The following SLC3A1 variants were observed in gnomAD, a reference collection of about 807,000 sequenced individuals.
SLC3A1 encodes amino acid transporter heavy chain SLC3A1.
SLC3A1 carries 78 observed loss-of-function variants against 60.3 expected under a neutral mutation model. That is an observed-to-expected ratio of 1.29 (90% CI 1.08 to 1.56). The LOEUF is 1.56. SLC3A1 is among the 40% of genes most tolerant of loss of function. The pLI, the probability that SLC3A1 is intolerant of heterozygous loss-of-function variation, is 0.00. For synonymous variants in SLC3A1, 392 were observed against 307.9 expected (o/e 1.27, Z -2.86); for missense variants, 1,172 against 858.9 (o/e 1.36, Z -4.56).
At position 44,275,741 on chromosome 2, in the gene SLC3A1, C is replaced by T; in HGVS notation, c.206C>T (p.Pro69Leu). The change falls in exon 1 of 10, where the codon CCC becomes CTC. Residue 69 changes from proline to leucine, a missense_variant. Physicochemically the swap from Pro to Leu is moderately conservative, Grantham distance 98. Coordinates refer to ENST00000260649, the MANE Select transcript of SLC3A1 (RefSeq NM_000341.4). ...GGCGTCCAGCCCTATGCGGGGATGC[C>T]CAAGGAGGTGCTGTTCCAGTTCTCT... ...FKGVQPYAGM[P>L]KEVLFQFSGQ... 1 of 1,614,208 alleles carries T rather than the reference C, an allele frequency of 6.2e-7. No individual in the cohort carries two copies. Among genetic ancestry groups the T allele is most frequent in the South Asian group, 1.1e-5 (1 of 91,088 alleles).
chr2:44,310,253 TCTC>T (rs1358528411), intron 7 of SLC3A1, among the ~76,000 whole-genome samples: 1 of 152,168 alleles, frequency 6.6e-6, no homozygotes, highest in Non-Finnish European at 1.5e-5. Context: ...CATAGTGACT[TCTC>T]CGTTTTACAT....
intron 1 of SLC3A1, among the ~76,000 whole-genome samples, chr2:44,277,766 C>G (rs1244716550): frequency 1.3e-5 from 2 of 152,222 alleles, no homozygotes; most frequent in East Asian, 3.9e-4. Flanking sequence ...ATAGGTCCAA[C>G]ATTCCTGTAA....
intron 7 of SLC3A1, among the ~76,000 whole-genome samples, chr2:44,306,778 AACTCCTG>A (rs1672169000): frequency 6.6e-6 from 1 of 151,972 alleles, no homozygotes; most frequent in South Asian, 2.1e-4. Flanking sequence ...GCTGGTCTCG[AACTCCTG>A]ACCTCAGGTG....
At position 44,320,779 on chromosome 2, in the gene SLC3A1, A is replaced by G; in HGVS notation, c.*140A>G. ...GTAGCTTGAATGTAACTGCTTTAAGAAAGGTTCTCAAATGTTTTGAAAAAA... is the reference window on the plus strand; with the variant it reads ...GTAGCTTGAATGTAACTGCTTTAAGGAAGGTTCTCAAATGTTTTGAAAAAA... On this transcript the variant is annotated 3_prime_UTR_variant, in exon 10 of 10. Coordinates refer to ENST00000260649, the MANE Select transcript of SLC3A1 (RefSeq NM_000341.4). 1 of 723,674 alleles carries G rather than the reference A, an allele frequency of 1.4e-6. No homozygotes were observed. Among genetic ancestry groups the G allele is most frequent in the Non-Finnish European group, 2.4e-6 (1 of 420,476 alleles). 44.8% of individuals were successfully genotyped at this position (723,674 alleles called of 1,614,324 possible). A position where few individuals can be genotyped will look rare whatever the true frequency, so the allele number is the denominator to read the frequency against.
chr2:44,320,571 G>A lies in SLC3A1; in HGVS notation c.1990G>A (p.Asp664Asn), dbSNP rs1256380855. 6 of 1,614,056 alleles carry A rather than the reference G, an allele frequency of 3.7e-6. No individual in the cohort carries two copies. Among genetic ancestry groups the A allele is most frequent in the Non-Finnish European group, 4.2e-6 (5 of 1,179,944 alleles). The change falls in exon 10 of 10, where the codon GAT (aspartate) becomes AAT (asparagine). Residue 664 changes from aspartate to asparagine, a missense_variant. Transcript: ENST00000260649. ...CCTTCATCGCCAAACAGCTTTCAGAGATAGATGCTTTGTTTCCAATCGAGC... is the reference window on the plus strand; with the variant it reads ...CCTTCATCGCCAAACAGCTTTCAGAAATAGATGCTTTGTTTCCAATCGAGC... ...NLLHRQTAFR[D>N]RCFVSNRACY...
chr2:44,292,833 C>A (rs953813419), intron 4 of SLC3A1, among the ~76,000 whole-genome samples: 2 of 152,108 alleles, frequency 1.3e-5, no homozygotes, highest in African/African-American at 4.8e-5. Context: ...AGGAGCACCA[C>A]TGAAGGCCCT....
At chr2:44,297,542 T>C (rs1360969622) in intron 4 of SLC3A1, among the ~76,000 whole-genome samples, 2 of 152,214 alleles carry the variant, frequency 1.3e-5, no homozygotes, top group East Asian at 3.8e-4. Flanking sequence ...TGCAGCCCTG[T>C]AGGCAGAGGT....
chr2:44,279,682 A>G (rs553960866), intron 1 of SLC3A1, among the ~76,000 whole-genome samples: 16 of 152,212 alleles, frequency 1.1e-4, no homozygotes, highest in Admixed American at 3.3e-4. Flanking sequence ...GTTTAATCCA[A>G]TGTATCATTT....
intron 9 of SLC3A1, chr2:44,314,874 T>G (rs1005992059): frequency 6.9e-6 from 1 of 145,290 alleles, no homozygotes; most frequent in Non-Finnish European, 1.5e-5. Flanking sequence ...AAGTCCTACA[T>G]AAAAATGCAT....
chr2:44,302,576 C>T (rs73927003), intron 6 of SLC3A1, among the ~76,000 whole-genome samples: 2,017 of 152,314 alleles, frequency 0.013, 19 homozygotes, highest in Middle Eastern at 0.034. Flanking sequence ...AGAGACCATG[C>T]ACTTATCCAT....
intron 7 of SLC3A1, among the ~76,000 whole-genome samples, chr2:44,312,225 C>A (rs1053222070): frequency 6.6e-6 from 1 of 152,200 alleles, no homozygotes; most frequent in African/African-American, 2.4e-5. Flanking sequence ...TCAGAAGTCT[C>A]TCATGCCTGT....
At chr2:44,316,159 C>G (rs1270837352) in intron 9 of SLC3A1, 1 of 152,264 alleles carries the variant, frequency 6.6e-6, no homozygotes, top group Non-Finnish European at 1.5e-5. Context: ...CAAAAGCAAA[C>G]AGATCAAGAA....
At chr2:44,315,253 C>T (rs1272397119) in intron 9 of SLC3A1, 1 of 151,958 alleles carries the variant, frequency 6.6e-6, no homozygotes, top group East Asian at 1.9e-4. Flanking sequence ...AACAATGACA[C>T]TTTTTTCTAA....
chr2:44,287,122 A>G (rs1671635562), intron 4 of SLC3A1, among the ~76,000 whole-genome samples: 1 of 152,154 alleles, frequency 6.6e-6, no homozygotes, highest in Admixed American at 6.5e-5. Flanking sequence ...GCAGCAGTGA[A>G]TAAAAGAAGC....
At chr2:44,294,231 G>A (rs1047405757) in intron 4 of SLC3A1, among the ~76,000 whole-genome samples, 19 of 152,098 alleles carry the variant, frequency 1.2e-4, no homozygotes, top group South Asian at 4.1e-4. Flanking sequence ...GGGTCTGGGC[G>A]TGGTGGCTCA....
chr2:44,301,358 T>C, intron 6 of SLC3A1: 2 of 614,812 alleles, frequency 3.3e-6, no homozygotes, highest in Non-Finnish European at 5.8e-6. Flanking sequence ...CACTACGTAC[T>C]TCACAGGAGT....
At chr2:44,283,648 C>A (rs572560288) in intron 3 of SLC3A1, among the ~76,000 whole-genome samples, 2 of 152,044 alleles carry the variant, frequency 1.3e-5, no homozygotes, top group Non-Finnish European at 2.9e-5. Flanking sequence ...GCCTTGTGAT[C>A]CAGTTTTTCC....
intron 8 of SLC3A1, 97 bp from the exon 9 acceptor site, chr2:44,313,738 C>A (rs986563302): frequency 9.8e-6 from 10 of 1,015,480 alleles, no homozygotes; most frequent in African/African-American, 9.5e-5. Flanking sequence ...TAGCTAAGAA[C>A]TATGGGGAAT....
chr2:44,309,965 C>T (rs900124946), intron 7 of SLC3A1, among the ~76,000 whole-genome samples: 2 of 151,774 alleles, frequency 1.3e-5, no homozygotes, highest in Non-Finnish European at 2.9e-5. Context: ...GAACATGGCT[C>T]ACTGCAGCCT....
Sources: gnomAD v4.1 joint callset for allele counts (sites outside exome capture counted in the v4.1 genomes callset) on GRCh38, gnomAD v4.1.1 for gene constraint, MANE v1.5 for transcripts, NCBI Gene and HGNC (gene_info 2026-07-23, HGNC 2026-07-21) for gene names.